MTA3: variants seen among roughly 807,000 people sequenced by gnomAD.
MTA3 encodes the protein metastasis-associated protein MTA3.
In MTA3, 34 loss-of-function variants were observed where a neutral mutation model predicts 83.5. The ratio of observed to expected loss-of-function variants is 0.41; its 90% confidence interval spans 0.31 to 0.54. MTA3 has a LOEUF of 0.54. Ranked by LOEUF, MTA3 falls within the 20% of genes least tolerant of loss-of-function variation. The pLI, the probability that MTA3 is intolerant of heterozygous loss-of-function variation, is 0.33. For missense variants in MTA3, 761 were observed against 726.4 expected, an observed-to-expected ratio of 1.05 and a Z score of -0.55; for synonymous variants, 303 against 252.7, an observed-to-expected ratio of 1.20 and a Z score of -1.89.
chr2:42,745,603 C>G (rs777392692), intron 16 of MTA3, among the ~76,000 whole-genome samples: 1 of 152,024 alleles, frequency 6.6e-6, no homozygotes, highest in Admixed American at 6.6e-5. Context: ...TCAAGCTGGT[C>G]TCGATTTCCC....
intron 8 of MTA3, among the ~76,000 whole-genome samples, chr2:42,673,351 C>G (rs1013886072): frequency 1.1e-4 from 17 of 152,070 alleles, no homozygotes; most frequent in Non-Finnish European, 4.4e-5. Flanking sequence ...ACAGATGGCC[C>G]TCGACTTAGG....
chr2:42,505,817 G>T (rs1179408646), intron 2 of MTA3, among the ~76,000 whole-genome samples: 3 of 148,334 alleles, frequency 2.0e-5, no homozygotes, highest in Non-Finnish European at 4.4e-5. Context: ...CACCCAGGCT[G>T]GAGTGCAATG....
At chr2:42,579,309 T>C in intron 3 of MTA3, 109 bp downstream of exon 3, 1 of 785,146 alleles carries the variant, frequency 1.3e-6, no homozygotes, top group Non-Finnish European at 2.0e-6. Flanking sequence ...CCATTTATCT[T>C]CTTTGTAGTT....
chr2:42,691,912 T>G (rs1692936025), intron 9 of MTA3, among the ~76,000 whole-genome samples: 1 of 152,228 alleles, frequency 6.6e-6, no homozygotes, highest in Non-Finnish European at 1.5e-5. Context: ...TTATAAGTTA[T>G]TTGTTTTTGC....
At chr2:42,632,311 T>C (rs1006358272) in intron 4 of MTA3, among the ~76,000 whole-genome samples, 3 of 151,746 alleles carry the variant, frequency 2.0e-5, no homozygotes, top group Admixed American at 6.6e-5. Context: ...AGGATGGTCT[T>C]GATCTCCTGA....
chr2:42,752,121 A>G, intron 16 of MTA3: 1 of 466,490 alleles, frequency 2.1e-6, no homozygotes, highest in Admixed American at 2.4e-5. Context: ...TATGTTCAAT[A>G]AAGCAAGGTT....
intron 6 of MTA3, among the ~76,000 whole-genome samples, chr2:42,649,054 C>T (rs1265230502): frequency 6.6e-6 from 1 of 152,076 alleles, no homozygotes; most frequent in Non-Finnish European, 1.5e-5. Flanking sequence ...AGCACAGCGC[C>T]CAGCTGTTAC....
intron 8 of MTA3, among the ~76,000 whole-genome samples, chr2:42,668,746 C>T (rs555291860): frequency 6.6e-6 from 1 of 151,964 alleles, no homozygotes; most frequent in Admixed American, 6.6e-5. Flanking sequence ...ATTAACCATA[C>T]CATTTAATAT....
intron 8 of MTA3, among the ~76,000 whole-genome samples, chr2:42,666,474 C>T (rs1255048532): frequency 6.6e-6 from 1 of 152,124 alleles, no homozygotes; most frequent in African/African-American, 2.4e-5. Flanking sequence ...CTCTGGACTC[C>T]AGCCAGGCTG....
intron 9 of MTA3, among the ~76,000 whole-genome samples, chr2:42,689,838 CAAA>C (rs36044592): frequency 1.0e-3 from 146 of 139,328 alleles, no homozygotes; most frequent in African/African-American, 3.0e-3. Flanking sequence ...TTGAACTTTG[CAAA>C]AAAAAAAAAA....
At chr2:42,567,583 C>T (rs1677974100), upstream of MTA3, among the ~76,000 whole-genome samples, 1 of 151,828 alleles carries the variant, frequency 6.6e-6, no homozygotes. Context: ...TTGGAATGGA[C>T]TGGCTTCTCT....
chr2:42,700,876 A>G (rs898108822), intron 11 of MTA3, among the ~76,000 whole-genome samples: 16 of 152,176 alleles, frequency 1.1e-4, no homozygotes, highest in African/African-American at 3.9e-4. Flanking sequence ...TGAGGCAGGA[A>G]GACTGCTTGA....
intron 8 of MTA3, among the ~76,000 whole-genome samples, chr2:42,681,439 T>G (rs191205764): frequency 6.6e-6 from 1 of 152,350 alleles, no homozygotes; most frequent in East Asian, 1.9e-4. Flanking sequence ...ATAATCTGTA[T>G]ATTTTTCCCT....
chr2:42,587,286 C>T (rs779504759), intron 3 of MTA3, among the ~76,000 whole-genome samples: 6 of 151,940 alleles, frequency 3.9e-5, no homozygotes, highest in Non-Finnish European at 5.9e-5. Context: ...CACTCCAGCC[C>T]GTGTGACAGA....
intron 4 of MTA3, among the ~76,000 whole-genome samples, chr2:42,630,945 ATAG>A (rs1169032844): frequency 6.6e-6 from 1 of 152,220 alleles, no homozygotes; most frequent in Non-Finnish European, 1.5e-5. Context: ...TGAAAAATAA[ATAG>A]TAGTGCTAAC....
At chr2:42,622,193 A>C (rs1685635071) in intron 4 of MTA3, among the ~76,000 whole-genome samples, 1 of 152,226 alleles carries the variant, frequency 6.6e-6, no homozygotes, top group Non-Finnish European at 1.5e-5. Flanking sequence ...ACTCGCGGTT[A>C]GGAGCTGGAG....
At chr2:42,730,083 C>G (rs557354050) in intron 16 of MTA3, among the ~76,000 whole-genome samples, 1 of 152,292 alleles carries the variant, frequency 6.6e-6, no homozygotes, top group East Asian at 1.9e-4. Context: ...TATCCTGCAA[C>G]TTTACTCAAT....
chr2:42,557,372 G>C (rs1308075892), intron 2 of MTA3, among the ~76,000 whole-genome samples: 1 of 151,782 alleles, frequency 6.6e-6, no homozygotes, highest in African/African-American at 2.4e-5. Flanking sequence ...GGTGGGGTAG[G>C]GTGGGGGAGT....
intron 2 of MTA3, among the ~76,000 whole-genome samples, chr2:42,506,364 GGA>G (rs1422131521): frequency 6.6e-6 from 1 of 151,816 alleles, no homozygotes; most frequent in Non-Finnish European, 1.5e-5. Flanking sequence ...TGAGGTGGGA[GGA>G]TCACTTGAGC....
Sources: allele counts gnomAD v4.1 joint callset (sites outside exome capture counted in the v4.1 genomes callset), GRCh38; gene constraint gnomAD v4.1.1; transcripts MANE v1.5; gene names NCBI Gene and HGNC (gene_info 2026-07-23, HGNC 2026-07-21).